The following DTX1 variants were observed in gnomAD, a reference collection of about 807,000 sequenced individuals.
DTX1 encodes deltex E3 ubiquitin ligase 1, also known as E3 ubiquitin-protein ligase DTX1.
Under a neutral mutation model 57.8 loss-of-function variants are expected in DTX1, and 26 were observed. That is an observed-to-expected ratio of 0.45 (90% CI 0.33 to 0.62). DTX1 has a LOEUF of 0.62. Ranked by LOEUF, DTX1 falls within the 20% of genes least tolerant of loss-of-function variation. The pLI is 0.02. For synonymous variants in DTX1, 398 were observed against 394.1 expected (o/e 1.01, Z -0.12); for missense variants, 704 against 895.3 (o/e 0.79, Z 2.73).
chr12:113,081,134 G>C (rs547153629), intron 3 of DTX1, among the ~76,000 whole-genome samples: 1 of 152,316 alleles, frequency 6.6e-6, no homozygotes, highest in South Asian at 2.1e-4. Flanking sequence ...CTTGAGGCCA[G>C]GAGTTCGAGA....
At chr12:113,087,909 G>T (rs2044874405) in intron 3 of DTX1, among the ~76,000 whole-genome samples, 1 of 152,166 alleles carries the variant, frequency 6.6e-6, no homozygotes, top group Non-Finnish European at 1.5e-5. Flanking sequence ...TCGGGATCCT[G>T]GACCCCTCTA....
chr12:113,094,794 C>A lies in DTX1; in HGVS notation c.1233C>A (p.Cys411Ter), dbSNP rs17854541. 6.2e-7 allele frequency: 1 copy of A among 1,613,468 alleles called. No individual in the cohort carries two copies. The highest frequency in any genetic ancestry group is 1.1e-5 in the South Asian group (1 of 91,038). The change falls in exon 7 of 10, where the codon TGC becomes TGA. Residue 411 changes from cysteine (C) to a stop codon, truncating the protein, a stop_gained. Coordinates refer to ENST00000548759, the MANE Select transcript of DTX1 (RefSeq NM_004416.3). LOFTEE classifies it high-confidence loss of function. ...QKVKNPPDEDCTICMERLVTA... is the reference protein window; with the variant it reads ...QKVKNPPDED ...TCCCCTGCTGCCACCTGCAGGACTG[C>A]ACCATCTGCATGGAGCGACTGGTCA...
intron 3 of DTX1, among the ~76,000 whole-genome samples, chr12:113,083,780 T>C (rs867776227): frequency 3.9e-5 from 6 of 152,194 alleles, no homozygotes; most frequent in Non-Finnish European, 8.8e-5. Flanking sequence ...TCTTAGTCAC[T>C]CTCTTTCCTT....
chr12:113,087,408 C>A (rs2044869132), intron 3 of DTX1, among the ~76,000 whole-genome samples: 1 of 152,050 alleles, frequency 6.6e-6, no homozygotes, highest in Non-Finnish European at 1.5e-5. Context: ...GCACCTGGTC[C>A]CCCGGGCTTG....
At chr12:113,059,716 A>G (rs2044653444) in intron 2 of DTX1, among the ~76,000 whole-genome samples, 1 of 152,182 alleles carries the variant, frequency 6.6e-6, no homozygotes, top group Admixed American at 6.5e-5. Context: ...TCCCTGGATG[A>G]CAGAACCACA....
chr12:113,096,649 T>C (rs1950299106), intron 9 of DTX1, 66 bp from the exon 10 acceptor site: 1 of 1,480,978 alleles, frequency 6.8e-7, no homozygotes, highest in Non-Finnish European at 9.1e-7. Flanking sequence ...GGAGGGAGGC[T>C]GAGGCTGGTG....
intron 2 of DTX1, among the ~76,000 whole-genome samples, chr12:113,070,086 G>A (rs559179527): frequency 2.6e-5 from 4 of 152,228 alleles, no homozygotes; most frequent in South Asian, 4.2e-4. Flanking sequence ...GATGGCATCC[G>A]GTGTGCTCCT....
At chr12:113,095,815 TTGAA>T (rs1189773102) in intron 9 of DTX1, among the ~76,000 whole-genome samples, 1 of 152,218 alleles carries the variant, frequency 6.6e-6, no homozygotes, top group African/African-American at 2.4e-5. Flanking sequence ...CTCTAGGCTT[TTGAA>T]TGTTAGTAAC....
In DTX1 at chr12:113,095,076, T is replaced by G; in HGVS notation, c.1421T>G (p.Ile474Ser). 6.2e-7 allele frequency: 1 copy of G among 1,613,360 alleles called. No homozygotes were observed. The highest frequency in any genetic ancestry group is 8.5e-7 in the Non-Finnish European group (1 of 1,179,446). ...CTGCAGTGCCCCACCTGCAAGGCCATCTACGGGGAGAAGACGGGTACGCAG... is the reference window on the plus strand; with the variant it reads ...CTGCAGTGCCCCACCTGCAAGGCCAGCTACGGGGAGAAGACGGGTACGCAG... ...GSLQCPTCKA[I>S]YGEKTGTQPP... The change falls in exon 8 of 10, where the codon ATC (isoleucine) becomes AGC (serine). Residue 474 changes from isoleucine to serine, a missense_variant. Ile to Ser is a moderately radical substitution (Grantham distance 142). Transcript: ENST00000548759.
rs536396846 is a variant in DTX1, at chr12:113,095,327, C to A, written c.1551C>A (p.Gly517=). The change falls in exon 9 of 10, where the codon GGC becomes GGA. Residue 517 remains glycine, a splice_region_variant and synonymous_variant. Coordinates refer to ENST00000548759, the MANE Select transcript of DTX1 (RefSeq NM_004416.3). ...IVYDIPTGIQ[G]PEHPNPGKKF... is the part of the protein sequence containing the mutation. ...CCCTGTACTGTCCCTCTCTGCAGGG[C>A]CCTGAGCACCCCAACCCCGGGAAGA... 4 of 1,614,132 alleles carry A rather than the reference C, an allele frequency of 2.5e-6. No individual in the cohort carries two copies. The South Asian group carries it at 3.3e-5, about 13-fold the overall frequency.
Position 113,093,248 on chromosome 12 carries a change from A to G in DTX1, c.1003+25A>G, listed in dbSNP as rs1592855657. The G allele has an allele frequency of 2.5e-6, 4 of 1,573,826 alleles. No homozygotes were observed. The highest frequency in any genetic ancestry group is 3.4e-6 in the Non-Finnish European group (4 of 1,159,678). On this transcript the variant is annotated intron_variant, in intron 4 of 9. Transcript: ENST00000548759. This position sits in a 1 kb window ranked among gnomAD's most constrained non-coding sequence, Gnocchi z 4.2. Reference sequence around the variant, plus strand: ...GGTGAGGTCTGGCCCAGGGCGGGAAAGAAGGGCGGGGCCCACTAGGAGGCA... The same window carrying G: ...GGTGAGGTCTGGCCCAGGGCGGGAAGGAAGGGCGGGGCCCACTAGGAGGCA...
intron 8 of DTX1, 35 bp from the exon 9 acceptor site, chr12:113,095,290 C>G (rs778633439): frequency 6.2e-7 from 1 of 1,613,336 alleles, no homozygotes; most frequent in Non-Finnish European, 8.5e-7. Flanking sequence ...ACCACCTGTT[C>G]ATGGTCTAAA....
At chr12:113,071,480 G>C (rs1350441910) in intron 2 of DTX1, among the ~76,000 whole-genome samples, 1 of 152,282 alleles carries the variant, frequency 6.6e-6, no homozygotes, top group Non-Finnish European at 1.5e-5. Flanking sequence ...CTGCCTGGGG[G>C]ACGCAGACCC....
rs1240177189 is a variant in DTX1 at position 113,089,121 on chromosome 12, G to T, written c.942-4041G>T. Among the ~76,000 whole-genome samples, 7 of 152,326 alleles carry T rather than the reference G, an allele frequency of 4.6e-5. No homozygotes were observed. The East Asian group carries it at 1.3e-3, about 29-fold the overall frequency. On this transcript the variant is annotated intron_variant, in intron 3 of 9. Coordinates refer to ENST00000548759, the MANE Select transcript of DTX1 (RefSeq NM_004416.3). The stretch of plus-strand genomic sequence containing the variant: ...AGTGTGCCATGAGGATATCTGGGAA[G>T]AGCACCTTGGGAAAGGGTCAGCAAG...
chr12:113,065,259 C>T (rs1234307886), intron 2 of DTX1, among the ~76,000 whole-genome samples: 2 of 152,192 alleles, frequency 1.3e-5, no homozygotes, highest in African/African-American at 4.8e-5. Flanking sequence ...ACCCAGCCAG[C>T]GGGTGTCACC....
At chr12:113,085,846 A>G (rs2044852859) in intron 3 of DTX1, among the ~76,000 whole-genome samples, 1 of 152,222 alleles carries the variant, frequency 6.6e-6, no homozygotes, top group Non-Finnish European at 1.5e-5. Context: ...TTAATTGTAG[A>G]ATATGGTAGA....
At position 113,095,354 on chromosome 12, in the gene DTX1, G is replaced by A. The variant is rs771815949; in HGVS notation, c.1578G>A (p.Lys526=). 1.2e-6 allele frequency: 2 copies of A among 1,614,192 alleles called. No individual in the cohort carries two copies. The highest frequency in any genetic ancestry group is 1.7e-6 in the Non-Finnish European group (2 of 1,180,038). ...QGPEHPNPGK[K]FTARGFPRHC... is the part of the protein sequence containing the mutation. ...CTGAGCACCCCAACCCCGGGAAGAA[G>A]TTCACCGCAAGAGGATTCCCTCGCC... The change falls in exon 9 of 10, where the codon AAG becomes AAA. Residue 526 remains lysine (K), a synonymous_variant. Transcript: ENST00000548759.
intron 3 of DTX1, among the ~76,000 whole-genome samples, chr12:113,085,801 C>T (rs759688462): frequency 9.9e-5 from 15 of 152,192 alleles, no homozygotes; most frequent in East Asian, 1.9e-4. Context: ...TTGGAGCTCA[C>T]ATTCTAGTGG....
Position 113,096,798 on chromosome 12 carries a change from C to T in DTX1, c.1722C>T (p.Thr574=), listed in dbSNP as rs1950302691. ...CCAACACCACGGGCGAGTCGGACAC[C>T]GTGGTGTGGAACGAGATCCACCACA... ...GTSNTTGESD[T]VVWNEIHHKT... The change falls in exon 10 of 10, where the codon ACC becomes ACT. Residue 574 remains threonine (T), a synonymous_variant. Transcript: ENST00000548759. 8 of 1,613,750 alleles carry T rather than the reference C, an allele frequency of 5.0e-6. No homozygotes were observed. The highest frequency in any genetic ancestry group is 1.7e-5 in the Admixed American group (1 of 60,004).
Sources: allele counts gnomAD v4.1 joint callset (sites outside exome capture counted in the v4.1 genomes callset), GRCh38; gene constraint gnomAD v4.1.1; non-coding constraint Gnocchi (gnomAD v3.1); transcripts MANE v1.5; gene names NCBI Gene and HGNC (gene_info 2026-07-23, HGNC 2026-07-21).